Variants in PVT1 observed in about 807,000 individuals in gnomAD.
PVT1 encodes CXCR4/PVT1 fusion.
intron 4 of PVT1, among the ~76,000 whole-genome samples, chr8:128,006,962 T>G (rs1377621173): frequency 6.6e-6 from 1 of 152,236 alleles, no homozygotes; most frequent in African/African-American, 2.4e-5. Context: ...AGCCCTGGAA[T>G]CAGCCATTGC....
chr8:128,075,994 T>C (rs1814084307), intron 5 of PVT1, among the ~76,000 whole-genome samples: 1 of 152,146 alleles, frequency 6.6e-6, no homozygotes, highest in Non-Finnish European at 1.5e-5. Context: ...GTAGACAGAT[T>C]ATGTAAAATT....
chr8:127,921,854 G>GTTTTTTTGTTTTTTTTTTTTTTTT (rs1816063128), intron 3 of PVT1, among the ~76,000 whole-genome samples: 8 of 71,926 alleles, frequency 1.1e-4, no homozygotes, highest in African/African-American at 4.8e-4. Context: ...TTTGGTTCAT[G>GTTTTTTTGTTTTTTTTTTTTTTTT]TTTTTTTTTT....
At chr8:127,811,216 AC>A (rs1465670710) in intron 2 of PVT1, among the ~76,000 whole-genome samples, 1 of 152,148 alleles carries the variant, frequency 6.6e-6, no homozygotes, top group Non-Finnish European at 1.5e-5. Context: ...CAAAAGATAG[AC>A]CCAGTGTTGC....
At chr8:127,882,732 C>T (rs1586420560) in intron 2 of PVT1, among the ~76,000 whole-genome samples, 1 of 152,138 alleles carries the variant, frequency 6.6e-6, no homozygotes, top group Non-Finnish European at 1.5e-5. Flanking sequence ...GATCCACCTC[C>T]TCGGCCTCCC....
intron 2 of PVT1, among the ~76,000 whole-genome samples, chr8:127,842,127 A>T (rs939879851): frequency 3.3e-5 from 5 of 151,350 alleles, no homozygotes; most frequent in Admixed American, 6.6e-5. Flanking sequence ...GCCCATTTAA[A>T]CTTTTGCAGA....
intron 5 of PVT1, among the ~76,000 whole-genome samples, chr8:128,093,968 A>G (rs1261807302): frequency 1.3e-5 from 2 of 152,184 alleles, no homozygotes; most frequent in African/African-American, 4.8e-5. Context: ...TAAGTGATTG[A>G]ATGATTGAAT....
intron 3 of PVT1, chr8:127,940,422 C>G (rs552689350): frequency 1.3e-5 from 2 of 152,298 alleles, no homozygotes; most frequent in African/African-American, 4.8e-5. Context: ...AGACCCGGTT[C>G]TGCTCCTTGC....
chr8:127,909,856 G>A (rs79077256), intron 3 of PVT1, among the ~76,000 whole-genome samples: 60 of 152,108 alleles, frequency 3.9e-4, no homozygotes, highest in African/African-American at 1.4e-3. Flanking sequence ...GGAGGGTTGT[G>A]GGGAAAATGT....
intron 3 of PVT1, among the ~76,000 whole-genome samples, chr8:127,969,366 T>C (rs1460315805): frequency 6.6e-6 from 1 of 152,130 alleles, no homozygotes; most frequent in Non-Finnish European, 1.5e-5. Context: ...TTATCTTGAT[T>C]CTCCCTGGCC....
At chr8:128,083,218 TGATTGTTAG>T (rs1814211961) in intron 5 of PVT1, among the ~76,000 whole-genome samples, 1 of 152,280 alleles carries the variant, frequency 6.6e-6, no homozygotes, top group Non-Finnish European at 1.5e-5. Context: ...TGAATTCATA[TGATTGTTAG>T]GATCATCGAA....
intron 4 of PVT1, among the ~76,000 whole-genome samples, chr8:128,007,529 G>A (rs939225458): frequency 5.9e-5 from 9 of 152,124 alleles, no homozygotes; most frequent in African/African-American, 1.9e-4. Flanking sequence ...AGTACCATTT[G>A]TATAGAATTG....
At chr8:127,981,530 G>T (rs550834535) in intron 3 of PVT1, among the ~76,000 whole-genome samples, 6 of 152,206 alleles carry the variant, frequency 3.9e-5, no homozygotes, top group African/African-American at 1.4e-4. Context: ...AAGCATGCTG[G>T]CGGGAAGGGA....
intron 4 of PVT1, among the ~76,000 whole-genome samples, chr8:128,051,313 G>T (rs1215886935): frequency 1.3e-5 from 2 of 152,180 alleles, no homozygotes; most frequent in Non-Finnish European, 2.9e-5. Flanking sequence ...CTGGGGACTG[G>T]GGGAAGTTCT....
In PVT1 at chr8:127,812,264, C is replaced by CAGGAAGGCAGGAAGGAAGGA. The variant is rs1563611740; in HGVS notation, n.372+16200_372+16201insCAGGAAGGAAGGAAGGAAGG. On this transcript the variant is annotated intron_variant and non_coding_transcript_variant, in intron 2 of 10. Coordinates refer to ENST00000651587, the Ensembl canonical transcript of PVT1. ...GAAGGAAGGCAGGAAGGCAGGAAGG[C>CAGGAAGGCAGGAAGGAAGGA]AGGAAGGAAGGAAGGAAGGAAGGAA... Among the ~76,000 whole-genome samples the CAGGAAGGCAGGAAGGAAGGA allele has an allele frequency of 6.6e-4, 83 of 126,028 alleles. 1 individual carries two copies. Among genetic ancestry groups the CAGGAAGGCAGGAAGGAAGGA allele is most frequent in the South Asian group, 2.5e-4 (1 of 4,004 alleles). The allele number at this position is 126,028 out of a possible 152,430, so 82.7% of individuals were successfully genotyped here.
At chr8:127,819,836 G>A (rs138728658) in intron 2 of PVT1, among the ~76,000 whole-genome samples, 25 of 152,240 alleles carry the variant, frequency 1.6e-4, no homozygotes, top group Admixed American at 5.2e-4. Context: ...CAAGTAATTC[G>A]CCCTCATCAT....
chr8:127,905,396 G>A (rs1815807423), intron 3 of PVT1, among the ~76,000 whole-genome samples: 1 of 152,216 alleles, frequency 6.6e-6, no homozygotes, highest in African/African-American at 2.4e-5. Context: ...TTATGTCCAC[G>A]GGGAGCCTCA....
rs114072756 is a variant in PVT1 at position 127,885,764 on chromosome 8, G to A, written n.373-4825G>A. On this transcript the variant is annotated intron_variant and non_coding_transcript_variant, in intron 2 of 10. Coordinates refer to ENST00000651587, the Ensembl canonical transcript of PVT1. The stretch of plus-strand genomic sequence containing the variant: ...CCATTTTCAGATGAGGAAATTAAGG[G>A]TTAAAAACATTTCCCCAGAGTAAGA... 9.7e-3 allele frequency among the ~76,000 whole-genome samples: 1,475 copies of A among 152,296 alleles called. 31 individuals carry two copies. The highest frequency in any genetic ancestry group is 0.034 in the African/African-American group (1,416 of 41,548).
intron 3 of PVT1, among the ~76,000 whole-genome samples, chr8:127,930,137 TC>T (rs1418469642): frequency 2.0e-5 from 3 of 152,108 alleles, no homozygotes; most frequent in Non-Finnish European, 4.4e-5. Context: ...AAAACCAACC[TC>T]TGGTGGGGCG....
chr8:127,849,380 G>A (rs1007869189), intron 2 of PVT1, among the ~76,000 whole-genome samples: 1 of 152,144 alleles, frequency 6.6e-6, no homozygotes, highest in African/African-American at 2.4e-5. Context: ...TCCACTTATT[G>A]AGGATTAGGC....
Sources: allele counts gnomAD v4.1 joint callset (sites outside exome capture counted in the v4.1 genomes callset), GRCh38; gene constraint gnomAD v4.1.1; transcripts MANE v1.5; gene names NCBI Gene and HGNC (gene_info 2026-07-23, HGNC 2026-07-21).